Variants in CRIPTO observed in about 807,000 individuals in gnomAD.
CRIPTO encodes protein Cripto.
the CRIPTO span, chr3:46,581,700 T>TG: frequency 3.0e-5 from 14 of 470,126 alleles, no homozygotes; most frequent in African/African-American, 2.4e-4. Context: ...TTAGTAGAGA[T>TG]GGGGGTTTCA....
chr3:46,579,524 T>C, the CRIPTO span: 1 of 1,363,402 alleles, frequency 7.3e-7, no homozygotes, highest in Non-Finnish European at 1.0e-6. Context: ...TTGTGTATTT[T>C]ACTTCCCTAG....
chr3:46,578,659 C>T, the CRIPTO span, among the ~76,000 whole-genome samples: 3 of 152,052 alleles, frequency 2.0e-5, no homozygotes, highest in Non-Finnish European at 4.4e-5. Flanking sequence ...GAGCCGAGAT[C>T]GCACCATTGC....
chr3:46,575,592 G>A, the CRIPTO span, among the ~76,000 whole-genome samples: 1 of 152,292 alleles, frequency 6.6e-6, no homozygotes, highest in Admixed American at 6.5e-5. Context: ...AACATCGCCA[G>A]ACTGGAGACC....
chr3:46,579,822 G>A, the CRIPTO span: 33 of 1,613,824 alleles, frequency 2.0e-5, no homozygotes, highest in Non-Finnish European at 2.6e-5. Flanking sequence ...CTCCTTCTAC[G>A]GACGGAACTG....
At chr3:46,578,530 A>G in the CRIPTO span, among the ~76,000 whole-genome samples, 5,354 of 152,196 alleles carry the variant, frequency 0.035, 212 homozygotes, top group East Asian at 0.16. Context: ...CCAACATGGC[A>G]AAACCCCGTC....
chr3:46,576,302 T>C, the CRIPTO span, among the ~76,000 whole-genome samples: 1 of 151,858 alleles, frequency 6.6e-6, no homozygotes, highest in African/African-American at 2.4e-5. Context: ...ACCCTGTCTC[T>C]ACTGAAAATA....
At chr3:46,579,154 G>A in the CRIPTO span, 1 of 1,614,156 alleles carries the variant, frequency 6.2e-7, no homozygotes, top group African/African-American at 1.3e-5. Flanking sequence ...GCCGGTGAGA[G>A]ACCTTTTGTT....
At chr3:46,582,159 G>A in the CRIPTO span, 2 of 151,972 alleles carry the variant, frequency 1.3e-5, no homozygotes, top group African/African-American at 4.8e-5. Context: ...AAATGGAAGG[G>A]CAAGTTTCCA....
chr3:46,577,705 G>C, the CRIPTO span: 1 of 549,910 alleles, frequency 1.8e-6, no homozygotes, highest in Admixed American at 3.1e-5. Flanking sequence ...GCCCCGACTG[G>C]GGTTTGTTGT....
At chr3:46,575,069 C>G in the CRIPTO span, among the ~76,000 whole-genome samples, 1 of 152,232 alleles carries the variant, frequency 6.6e-6, no homozygotes, top group African/African-American at 2.4e-5. Flanking sequence ...CCTTTTGACA[C>G]AAAGCACTCA....
chr3:46,579,265 G>T, the CRIPTO span: 1 of 1,614,094 alleles, frequency 6.2e-7, no homozygotes, highest in South Asian at 1.1e-5. Flanking sequence ...CGTCCATCTC[G>T]GGGATACCTG....
chr3:46,581,735 A>G, the CRIPTO span: 1 of 368,624 alleles, frequency 2.7e-6, no homozygotes, highest in East Asian at 4.5e-5. Flanking sequence ...CTGGTCTCGA[A>G]CTCCTGACCT....
chr3:46,579,541 G>C, the CRIPTO span: 1 of 1,273,824 alleles, frequency 7.9e-7, no homozygotes, highest in Non-Finnish European at 1.1e-6. Context: ...CTAGAGTGCA[G>C]TTTTCCTCCC....
chr3:46,579,184 T>A, the CRIPTO span: 2 of 1,614,196 alleles, frequency 1.2e-6, no homozygotes, highest in Non-Finnish European at 1.7e-6. Flanking sequence ...ACTCTCAATT[T>A]TTATGTGGCC....
At chr3:46,575,822 T>C in the CRIPTO span, among the ~76,000 whole-genome samples, 25 of 152,322 alleles carry the variant, frequency 1.6e-4, no homozygotes, top group Non-Finnish European at 3.4e-4. Context: ...GCGCTACTTA[T>C]CTACTTAGCA....
At chr3:46,577,065 C>T in the CRIPTO span, among the ~76,000 whole-genome samples, 3 of 152,160 alleles carry the variant, frequency 2.0e-5, no homozygotes, top group Admixed American at 6.5e-5. Context: ...GAACTTTTTC[C>T]TGGAACAGGC....
the CRIPTO span, chr3:46,580,985 G>T: frequency 1.4e-6 from 1 of 702,094 alleles, no homozygotes. Flanking sequence ...TCCTGCAAGT[G>T]AAGGCATCAC....
chr3:46,579,672 C>T, the CRIPTO span: 3 of 1,521,464 alleles, frequency 2.0e-6, no homozygotes, highest in Admixed American at 3.3e-5. Flanking sequence ...TATTAACCTT[C>T]GCTTACAGGA....
the CRIPTO span, chr3:46,580,014 G>T: frequency 1.9e-6 from 3 of 1,614,232 alleles, no homozygotes; most frequent in South Asian, 2.2e-5. Flanking sequence ...GTAAATGCTG[G>T]CACGGTCAGC....
Sources: allele counts gnomAD v4.1 joint callset (sites outside exome capture counted in the v4.1 genomes callset), GRCh38; gene constraint gnomAD v4.1.1; transcripts MANE v1.5; gene names NCBI Gene and HGNC (gene_info 2026-07-23, HGNC 2026-07-21).